EYS: variants seen among roughly 807,000 people sequenced by gnomAD.
EYS encodes protein eyes shut homolog.
EYS carries 250 observed loss-of-function variants against 282.1 expected under a neutral mutation model. The observed-to-expected ratio is 0.89, with a 90% CI of 0.80 to 0.98. The LOEUF (loss-of-function observed/expected upper bound fraction) is 0.98. EYS is among the 50% of genes least tolerant of loss of function. EYS has a pLI of 0.00. For missense variants in EYS, 4,016 were observed against 3,709.0 expected, an observed-to-expected ratio of 1.08 and a Z score of -2.15; for synonymous variants, 1,355 against 1,282.9, an observed-to-expected ratio of 1.06 and a Z score of -1.20.
chr6:64,906,613 A>T (rs1007124360), intron 16 of EYS, among the ~76,000 whole-genome samples: 49 of 152,220 alleles, frequency 3.2e-4, no homozygotes, highest in African/African-American at 1.1e-3. Flanking sequence ...CAATTCCATC[A>T]AGCGTAGGAT....
At chr6:64,434,171 A>G (rs1183923822) in intron 28 of EYS, among the ~76,000 whole-genome samples, 3 of 152,084 alleles carry the variant, frequency 2.0e-5, no homozygotes, top group Non-Finnish European at 4.4e-5. Flanking sequence ...TGATATGAAG[A>G]CACAGAGAGA....
chr6:64,342,606 G>A (rs1468317910), intron 29 of EYS, among the ~76,000 whole-genome samples: 1 of 151,862 alleles, frequency 6.6e-6, no homozygotes, highest in African/African-American at 2.4e-5. Context: ...AGCCACTGCA[G>A]AAACATGCCA....
intron 1 of EYS, among the ~76,000 whole-genome samples, chr6:65,700,117 A>T (rs1477413583): frequency 7.7e-6 from 1 of 129,452 alleles, no homozygotes; most frequent in Non-Finnish European, 1.7e-5. Flanking sequence ...TCCGTCTCAA[A>T]AAAAAAAAAA....
intron 26 of EYS, among the ~76,000 whole-genome samples, chr6:64,529,192 G>A (rs1778020695): frequency 2.0e-5 from 3 of 152,002 alleles, no homozygotes; most frequent in Admixed American, 2.0e-4. Context: ...AACTCTTTGT[G>A]TCCTACTCAT....
At chr6:64,157,466 C>A (rs1774965292) in intron 31 of EYS, among the ~76,000 whole-genome samples, 1 of 152,152 alleles carries the variant, frequency 6.6e-6, no homozygotes. Flanking sequence ...ATCCCCAAGA[C>A]AATGGGGAAA....
chr6:64,163,634 G>A (rs750723716), intron 31 of EYS, among the ~76,000 whole-genome samples: 19 of 152,052 alleles, frequency 1.2e-4, no homozygotes, highest in Non-Finnish European at 2.1e-4. Context: ...GCATAAATGG[G>A]AGTAAATATT....
chr6:63,927,861 T>C (rs1764763375), intron 35 of EYS, among the ~76,000 whole-genome samples: 1 of 152,226 alleles, frequency 6.6e-6, no homozygotes, highest in African/African-American at 2.4e-5. Context: ...CTTTTTATAG[T>C]CATGACTGTT....
At chr6:65,383,541 A>G (rs1038673719) in intron 8 of EYS, among the ~76,000 whole-genome samples, 47 of 150,844 alleles carry the variant, frequency 3.1e-4, no homozygotes, top group African/African-American at 1.1e-3. Context: ...TTCTATCTTC[A>G]TGTTGTATTT....
chr6:64,976,646 G>C (rs970378765), intron 14 of EYS, among the ~76,000 whole-genome samples: 3 of 151,810 alleles, frequency 2.0e-5, no homozygotes, highest in Admixed American at 6.6e-5. Context: ...ATTGCTTTGG[G>C]GGTAGGATTT....
At chr6:64,285,966 T>C (rs932723215) in intron 30 of EYS, among the ~76,000 whole-genome samples, 6 of 152,142 alleles carry the variant, frequency 3.9e-5, no homozygotes, top group Non-Finnish European at 8.8e-5. Context: ...AGCCAAACCA[T>C]ATCAGCTTCT....
In EYS at chr6:65,494,724, A is replaced by T. The variant is rs752921104; in HGVS notation, c.687T>A (p.Ile229=). 6.2e-7 allele frequency: 1 copy of T among 1,610,136 alleles called. No individual in the cohort carries two copies. Among genetic ancestry groups the T allele is most frequent in the Admixed American group, 1.7e-5 (1 of 59,804 alleles). ...FKPCKNNGSC[I]NKRENWDEQA... ...GCTCATCCCAATTTTCTCTTTTATT[A>T]ATGCAACTGCCATTATTTTTACATG... Residue 229 remains isoleucine (I), a synonymous_variant, in exon 4 of 43, where the codon ATT becomes ATA. Coordinates refer to ENST00000503581, the MANE Select transcript of EYS (RefSeq NM_001142800.2).
chr6:64,537,088 T>G (rs1011958298), intron 26 of EYS, among the ~76,000 whole-genome samples: 22 of 151,416 alleles, frequency 1.5e-4, no homozygotes, highest in African/African-American at 5.3e-4. Flanking sequence ...ACATGTGCCA[T>G]GCTGGTGCGC....
At chr6:64,812,051 T>G (rs552503889) in intron 22 of EYS, among the ~76,000 whole-genome samples, 5 of 152,092 alleles carry the variant, frequency 3.3e-5, no homozygotes, top group Admixed American at 1.3e-4. Flanking sequence ...AATTTATGAT[T>G]AATGACTTAG....
intron 22 of EYS, among the ~76,000 whole-genome samples, chr6:64,803,910 G>A (rs377434403): frequency 8.2e-4 from 125 of 152,330 alleles, no homozygotes; most frequent in African/African-American, 2.9e-3. Context: ...AGGCTCTCCA[G>A]GGCCCCCAGA....
chr6:65,442,594 C>G (rs1395567666), intron 5 of EYS, among the ~76,000 whole-genome samples: 3 of 150,938 alleles, frequency 2.0e-5, no homozygotes. Flanking sequence ...TCTACTAAAA[C>G]TATAAAAAAA....
chr6:64,113,760 T>C (rs1773286432), intron 31 of EYS, among the ~76,000 whole-genome samples: 1 of 152,178 alleles, frequency 6.6e-6, no homozygotes, highest in African/African-American at 2.4e-5. Context: ...TTTTAAATGT[T>C]ATAATGGCTA....
Position 64,230,674 on chromosome 6 carries a change from G to A in EYS, c.6342C>T (p.Cys2114=). The A allele has an allele frequency of 1.9e-6, 3 of 1,551,582 alleles. 1 individual carries two copies. Among genetic ancestry groups the A allele is most frequent in the Non-Finnish European group, 8.7e-7 (1 of 1,146,908 alleles). The change falls in exon 31 of 43, where the codon TGC becomes TGT. Residue 2114 remains cysteine, a synonymous_variant. Transcript: ENST00000503581. ...TGCCACTGGAGAGGAAGATGGCATG[G>A]CATGTGCCTCCATTGTGGCATACAT... ...QQDVCHNGGT[C]HAIFLSSGIV...
In EYS at chr6:65,412,503, T is replaced by C. The variant is rs560209081; in HGVS notation, c.863-7136A>G. On this transcript the variant is annotated intron_variant, in intron 5 of 42. Transcript: ENST00000503581. ...TCATATGCACCAGCATTTCGTGTTATCATTTTTTTATTTTAGCTATTTTAA... is the reference window on the plus strand; with the variant it reads ...TCATATGCACCAGCATTTCGTGTTACCATTTTTTTATTTTAGCTATTTTAA... 9.2e-5 allele frequency among the ~76,000 whole-genome samples: 14 copies of C among 152,292 alleles called. No homozygotes were observed. The South Asian group carries it at 2.9e-3, about 32-fold the overall frequency.
chr6:64,576,073 C>T (rs930240291), intron 26 of EYS, among the ~76,000 whole-genome samples: 4 of 152,008 alleles, frequency 2.6e-5, no homozygotes, highest in Non-Finnish European at 5.9e-5. Context: ...TGTCATATTA[C>T]CAGGCACTGA....
Sources: gnomAD v4.1 joint callset for allele counts (sites outside exome capture counted in the v4.1 genomes callset) on GRCh38, gnomAD v4.1.1 for gene constraint, MANE v1.5 for transcripts, NCBI Gene and HGNC (gene_info 2026-07-23, HGNC 2026-07-21) for gene names.